The following PDE4D variants were observed in gnomAD, a reference collection of about 807,000 sequenced individuals.
PDE4D encodes 3',5'-cyclic-AMP phosphodiesterase 4D.
A neutral mutation model predicts 87.4 loss-of-function variants in PDE4D; 24 were observed. The ratio of observed to expected loss-of-function variants is 0.27; its 90% CI spans 0.20 to 0.39. The LOEUF (loss-of-function observed/expected upper bound fraction) is 0.39. PDE4D is among the 10% of genes least tolerant of loss of function. The pLI is 1.00. For missense variants in PDE4D, 714 were observed against 1,041.0 expected (o/e 0.69, Z 4.32); for synonymous variants, 384 against 383.2 (o/e 1.00, Z -0.02).
chr5:59,180,951 C>T (rs938285092), intron 4 of PDE4D, among the ~76,000 whole-genome samples: 4 of 152,106 alleles, frequency 2.6e-5, no homozygotes, highest in African/African-American at 9.7e-5. Flanking sequence ...TCGCTGAAGC[C>T]AGAGCTTATA....
At chr5:59,362,907 T>C (rs1382964305) in intron 1 of PDE4D, among the ~76,000 whole-genome samples, 1 of 152,194 alleles carries the variant, frequency 6.6e-6, no homozygotes, top group East Asian at 1.9e-4. Context: ...TTTCCGTGAC[T>C]GTTCAATATC....
intron 1 of PDE4D, chr5:59,275,510 C>T (rs1214298085): frequency 6.8e-7 from 1 of 1,480,548 alleles, no homozygotes. Flanking sequence ...CCAAGGGAGG[C>T]TGCTTGAAGA....
chr5:59,751,347 G>A (rs1009290299), intron 1 of PDE4D, among the ~76,000 whole-genome samples: 2 of 152,094 alleles, frequency 1.3e-5, no homozygotes, highest in African/African-American at 2.4e-5. Context: ...ATTTCAGAAG[G>A]ATTATCTTGG....
At chr5:60,257,125 C>T (rs1749136324) in intron 1 of PDE4D, among the ~76,000 whole-genome samples, 1 of 143,556 alleles carries the variant, frequency 7.0e-6, no homozygotes, top group Admixed American at 7.1e-5. Context: ...AAAAGATGGC[C>T]AAAAAGAATT....
At position 58,971,295 on chromosome 5, in the gene PDE4D, T is replaced by G. The variant is rs1339025569; in HGVS notation, c.*3369A>C. On this transcript the variant is annotated 3_prime_UTR_variant, in exon 15 of 15. Coordinates refer to ENST00000340635, the MANE Select transcript of PDE4D (RefSeq NM_001104631.2). ...TCTTGAATCTTCCATAAACAAGCTC[T>G]AAGGTGACAAGACTATATTACAGGA... is the stretch of plus-strand genomic sequence containing the variant. The G allele has an allele frequency of 6.6e-6, 1 of 152,610 alleles. No individual in the cohort carries two copies. Among genetic ancestry groups the G allele is most frequent in the Non-Finnish European group, 1.5e-5 (1 of 68,034 alleles). The allele number at this position is 152,610 out of a possible 1,614,324, so 9.5% of individuals were successfully genotyped here.
At chr5:58,990,635 C>T (rs561648964) in intron 9 of PDE4D, among the ~76,000 whole-genome samples, 169 bp downstream of exon 9, 1 of 152,152 alleles carries the variant, frequency 6.6e-6, no homozygotes, top group South Asian at 2.1e-4. Context: ...ATCCACACTC[C>T]ACCTTTCTGT....
chr5:60,132,371 G>A (rs1205012308), intron 2 of PDE4D, among the ~76,000 whole-genome samples: 1 of 151,984 alleles, frequency 6.6e-6, no homozygotes, highest in Non-Finnish European at 1.5e-5. Context: ...CACTTTTATT[G>A]CATATTCATT....
Position 59,306,653 on chromosome 5 carries a change from C to T in PDE4D, c.456-90685G>A, listed in dbSNP as rs141186711. 8.2e-3 allele frequency among the ~76,000 whole-genome samples: 1,242 copies of T among 151,484 alleles called. 42 individuals are homozygous for T. The East Asian group carries it at 0.088, about 11-fold the overall frequency. Reference sequence around the variant, plus strand: ...AATACCTATGAATCCAACTTACAAGCAACATGAAGGACTTCTTCAAGGAGA... The same window carrying T: ...AATACCTATGAATCCAACTTACAAGTAACATGAAGGACTTCTTCAAGGAGA... On this transcript the variant is annotated intron_variant, in intron 1 of 14. Transcript: ENST00000340635.
chr5:59,757,590 G>A (rs1761431427), intron 1 of PDE4D, among the ~76,000 whole-genome samples: 1 of 152,178 alleles, frequency 6.6e-6, no homozygotes, highest in South Asian at 2.1e-4. Flanking sequence ...GTCACTCAAA[G>A]AGAGCCTGTG....
chr5:60,103,343 A>G (rs1776446833), intron 2 of PDE4D, among the ~76,000 whole-genome samples: 2 of 152,186 alleles, frequency 1.3e-5, no homozygotes. Flanking sequence ...ATTCAATCAC[A>G]ACCATCACTT....
chr5:60,073,751 G>C (rs1051842040), intron 2 of PDE4D, among the ~76,000 whole-genome samples: 11 of 151,982 alleles, frequency 7.2e-5, no homozygotes, highest in African/African-American at 2.7e-4. Context: ...GGTTCAGTCT[G>C]AGAGAGTGTA....
intron 1 of PDE4D, among the ~76,000 whole-genome samples, chr5:60,375,661 C>T (rs1266195121): frequency 6.6e-6 from 1 of 152,172 alleles, no homozygotes; most frequent in Non-Finnish European, 1.5e-5. Flanking sequence ...AAAGCCAGTT[C>T]CTACCTGTAC....
At chr5:59,354,476 T>C (rs1036955907) in intron 1 of PDE4D, among the ~76,000 whole-genome samples, 8 of 152,204 alleles carry the variant, frequency 5.3e-5, no homozygotes, top group Non-Finnish European at 1.0e-4. Context: ...CATTTAACTG[T>C]GCGTGCATGT....
chr5:59,772,656 T>A (rs1421462353), intron 1 of PDE4D, among the ~76,000 whole-genome samples: 1 of 152,242 alleles, frequency 6.6e-6, no homozygotes. Context: ...AGAGCAATGA[T>A]GTGGCTAATT....
chr5:60,399,397 A>T (rs1285463247), intron 1 of PDE4D, among the ~76,000 whole-genome samples: 1 of 152,218 alleles, frequency 6.6e-6, no homozygotes, highest in African/African-American at 2.4e-5. Context: ...TTGATTATGT[A>T]TTGTCAGACT....
intron 5 of PDE4D, among the ~76,000 whole-genome samples, chr5:59,081,743 T>C (rs919843343): frequency 6.6e-6 from 1 of 152,182 alleles, no homozygotes; most frequent in African/African-American, 2.4e-5. Flanking sequence ...AATGGTCCTC[T>C]ATAGTATAAA....
intron 1 of PDE4D, among the ~76,000 whole-genome samples, chr5:59,742,650 A>G (rs77953312): frequency 0.015 from 2,261 of 152,332 alleles, 59 homozygotes; most frequent in African/African-American, 0.052. Context: ...CCAGGTGTGC[A>G]GTAATCAGGC....
In PDE4D at chr5:59,520,606, T is replaced by C. The variant is rs545328710; in HGVS notation, c.456-304638A>G. ...GTGAAAGAAGTAGAACTAAGAGAAG[T>C]ATAAGAGGAGAACGATTTAAGATGA... On this transcript the variant is annotated intron_variant, in intron 1 of 14. Coordinates refer to ENST00000340635, the MANE Select transcript of PDE4D (RefSeq NM_001104631.2). Among the ~76,000 whole-genome samples, 5 of 151,762 alleles carry C rather than the reference T, an allele frequency of 3.3e-5. No homozygotes were observed. In the South Asian group the frequency reaches 1.0e-3, roughly 32 times the overall value.
chr5:59,884,311 T>C (rs75703921), intron 1 of PDE4D, among the ~76,000 whole-genome samples: 4,059 of 134,568 alleles, frequency 0.03, 177 homozygotes, highest in African/African-American at 0.1. Context: ...TACACACACA[T>C]ACCACACATA....
Sources: gnomAD v4.1 joint callset for allele counts (sites outside exome capture counted in the v4.1 genomes callset) on GRCh38, gnomAD v4.1.1 for gene constraint, MANE v1.5 for transcripts, NCBI Gene and HGNC (gene_info 2026-07-23, HGNC 2026-07-21) for gene names.